The following C2CD3 variants were observed in gnomAD, a reference collection of about 807,000 sequenced individuals.
The protein encoded by C2CD3 is C2 domain-containing protein 3.
Under a neutral mutation model 234.0 loss-of-function variants are expected in C2CD3, and 148 were observed. The ratio of observed to expected loss-of-function variants is 0.63; its 90% confidence interval spans 0.55 to 0.72. The LOEUF (loss-of-function observed/expected upper bound fraction) is 0.72. Ranked by LOEUF, C2CD3 falls within the 30% of genes least tolerant of loss-of-function variation. The pLI is 0.00. For missense variants in C2CD3, 2,577 were observed against 2,811.5 expected (o/e 0.92, Z 1.89); for synonymous variants, 1,000 against 1,035.4 (o/e 0.97, Z 0.66).
intron 7 of C2CD3, among the ~76,000 whole-genome samples, chr11:74,124,669 G>A (rs949824896): frequency 1.3e-5 from 2 of 152,154 alleles, no homozygotes; most frequent in African/African-American, 4.8e-5. Context: ...CTTCCCAGTC[G>A]ACATGGCCTC....
chr11:74,085,516 C>A, intron 21 of C2CD3, 102 bp downstream of exon 21: 3 of 1,182,934 alleles, frequency 2.5e-6, no homozygotes, highest in Non-Finnish European at 3.6e-6. Context: ...GATTATGACT[C>A]CTCACCTTTA....
intron 28 of C2CD3, among the ~76,000 whole-genome samples, chr11:74,044,050 T>C (rs1037146577): frequency 6.6e-6 from 1 of 151,994 alleles, no homozygotes; most frequent in Non-Finnish European, 1.5e-5. Context: ...TAAAAAATAA[T>C]AACATGGTCT....
At chr11:74,114,864 G>A (rs1956872508) in intron 9 of C2CD3, among the ~76,000 whole-genome samples, 1 of 151,850 alleles carries the variant, frequency 6.6e-6, no homozygotes, top group South Asian at 2.1e-4. Context: ...ATCACACTTG[G>A]CTAATTTTTG....
At chr11:74,091,212 A>G (rs192779666) in intron 19 of C2CD3, 1 of 290,636 alleles carries the variant, frequency 3.4e-6, no homozygotes, top group East Asian at 7.2e-5. Context: ...ACTTAACTCC[A>G]GATTTCTTTT....
At chr11:74,130,243 T>C (rs964315066) in intron 7 of C2CD3, among the ~76,000 whole-genome samples, 1 of 150,060 alleles carries the variant, frequency 6.7e-6, no homozygotes, top group African/African-American at 2.4e-5. Context: ...TTTTTTTTTT[T>C]AGAAACAGGT....
At chr11:74,133,704 C>T (rs1957755983) in intron 5 of C2CD3, 147 bp from the exon 6 acceptor site, 1 of 738,930 alleles carries the variant, frequency 1.4e-6, no homozygotes, top group Admixed American at 2.6e-5. Context: ...TTGAGAATTC[C>T]TTGAGGACAT....
Position 74,098,145 on chromosome 11 carries a change from C to G in C2CD3, c.2843G>C (p.Arg948Pro). Reference protein sequence around the residue: ...VFSGHQNGSLRVFLAMGSSNQ... With the variant: ...VFSGHQNGSLPVFLAMGSSNQ... ...TGAAGAACCCATAGCTAAAAAGACT[C>G]GAAGACTCCCATTTTGGTGGCCTGA... The change falls in exon 16 of 33, where the codon CGA (arginine) becomes CCA (proline). Residue 948 changes from arginine to proline, a missense_variant. Transcript: ENST00000334126. 2 of 1,614,060 alleles carry G rather than the reference C, an allele frequency of 1.2e-6. No individual in the cohort carries two copies. The highest frequency in any genetic ancestry group is 1.7e-6 in the Non-Finnish European group (2 of 1,179,994).
intron 27 of C2CD3, 137 bp from the exon 28 acceptor site, chr11:74,048,475 A>T (rs1953496483): frequency 2.6e-6 from 2 of 766,630 alleles, no homozygotes; most frequent in African/African-American, 3.5e-5. Context: ...TGTGCTAAAC[A>T]ATTTACATAC....
intron 29 of C2CD3, among the ~76,000 whole-genome samples, chr11:74,041,810 A>G (rs1953074468): frequency 6.6e-6 from 1 of 152,166 alleles, no homozygotes. Flanking sequence ...AAGCTCCTAC[A>G]TTTACAGGTG....
At chr11:74,146,710 C>CCACACACACACACACACA (rs141560536) in intron 3 of C2CD3, among the ~76,000 whole-genome samples, 3 of 85,004 alleles carry the variant, frequency 3.5e-5, no homozygotes, top group East Asian at 3.6e-4. Context: ...AAAAGTCAAA[C>CCACACACACACACACACA]CACACACACA....
At chr11:74,128,472 T>C (rs1957491359) in intron 7 of C2CD3, 1 of 152,222 alleles carries the variant, frequency 6.6e-6, no homozygotes, top group Non-Finnish European at 1.5e-5. Context: ...GTCACAGATT[T>C]ACCTTTATGT....
At chr11:74,116,976 G>A (rs548533772) in intron 9 of C2CD3, among the ~76,000 whole-genome samples, 2 of 103,794 alleles carry the variant, frequency 1.9e-5, no homozygotes, top group Non-Finnish European at 4.1e-5. Flanking sequence ...ACATATACAC[G>A]TATATATACA....
intron 20 of C2CD3, among the ~76,000 whole-genome samples, chr11:74,086,279 A>C (rs1337489059): frequency 6.6e-6 from 1 of 152,254 alleles, no homozygotes; most frequent in Non-Finnish European, 1.5e-5. Context: ...GCTTATCAGC[A>C]TTGGACTTGT....
chr11:74,153,210 A>AAAAC (rs1855785206), intron 3 of C2CD3, among the ~76,000 whole-genome samples: 1 of 148,026 alleles, frequency 6.8e-6, no homozygotes, highest in African/African-American at 2.5e-5. Flanking sequence ...TCTGTCTCTT[A>AAAAC]AAAACAAAAC....
At chr11:74,065,169 C>G (rs1316875511) in intron 24 of C2CD3, among the ~76,000 whole-genome samples, 3 of 152,152 alleles carry the variant, frequency 2.0e-5, no homozygotes, top group African/African-American at 7.2e-5. Flanking sequence ...ACCCATCTGA[C>G]AAAGGGCTAA....
rs147701558 is a variant in C2CD3 at position 74,156,937 on chromosome 11, C to G, written c.483+4462G>C. ...AGTGAGCAGAGATAGTGCCAGTGCACTACAGCTTGGGTGACAGGGCAAGAC... is the reference window on the plus strand; with the variant it reads ...AGTGAGCAGAGATAGTGCCAGTGCAGTACAGCTTGGGTGACAGGGCAAGAC... On this transcript the variant is annotated intron_variant, in intron 3 of 32. Coordinates refer to ENST00000334126, the MANE Select transcript of C2CD3 (RefSeq NM_001286577.2). Among the ~76,000 whole-genome samples, 5 of 152,370 alleles carry G rather than the reference C, an allele frequency of 3.3e-5. No homozygotes were observed. In the East Asian group the frequency reaches 9.6e-4, roughly 29 times the overall value.
intron 11 of C2CD3, among the ~76,000 whole-genome samples, chr11:74,112,804 T>C (rs1020214403): frequency 1.3e-5 from 2 of 152,212 alleles, no homozygotes; most frequent in Non-Finnish European, 2.9e-5. Flanking sequence ...GTAACAAGTG[T>C]TGACGAGGAT....
intron 2 of C2CD3, chr11:74,164,034 C>A (rs1444032651): frequency 3.8e-6 from 1 of 263,726 alleles, no homozygotes; most frequent in African/African-American, 2.3e-5. Flanking sequence ...TTTAAATTGA[C>A]AGAACTGGGC....
chr11:74,054,732 T>C (rs1953878221), intron 25 of C2CD3, 61 bp from the exon 26 acceptor site: 8 of 1,153,600 alleles, frequency 6.9e-6, no homozygotes, highest in Non-Finnish European at 8.9e-6. Flanking sequence ...GTATAAAACT[T>C]AGATTTGAAG....
Sources: gnomAD v4.1 joint callset for allele counts (sites outside exome capture counted in the v4.1 genomes callset) on GRCh38, gnomAD v4.1.1 for gene constraint, MANE v1.5 for transcripts, NCBI Gene and HGNC (gene_info 2026-07-23, HGNC 2026-07-21) for gene names.